EPS15: variants seen among roughly 807,000 people sequenced by gnomAD.
EPS15 encodes the protein epidermal growth factor receptor substrate 15.
In EPS15, 72 loss-of-function variants were observed where a neutral mutation model predicts 113.8. The observed-to-expected ratio is 0.63, with a 90% confidence interval of 0.52 to 0.77. EPS15 has a LOEUF of 0.77. EPS15 is among the 30% of genes least tolerant of loss of function. The pLI is 0.00. For missense variants in EPS15, 1,048 were observed against 1,045.8 expected (o/e 1.00, Z -0.03); for synonymous variants, 344 against 363.4 (o/e 0.95, Z 0.61).
chr1:51,394,805 G>A (rs529201676), intron 20 of EPS15, among the ~76,000 whole-genome samples: 5 of 152,172 alleles, frequency 3.3e-5, no homozygotes, highest in Admixed American at 2.0e-4. Flanking sequence ...GGTGATATTC[G>A]TTTATTTTTT....
chr1:51,430,987 C>G (rs919064892), intron 12 of EPS15, among the ~76,000 whole-genome samples: 2 of 132,726 alleles, frequency 1.5e-5, no homozygotes, highest in African/African-American at 6.4e-5. Context: ...TACACACACA[C>G]ACACACACAC....
At chr1:51,425,033 T>A (rs1004051513) in intron 12 of EPS15, among the ~76,000 whole-genome samples, 1 of 152,210 alleles carries the variant, frequency 6.6e-6, no homozygotes, top group Admixed American at 6.5e-5. Flanking sequence ...AATGAAATGA[T>A]CCTACTCATC....
chr1:51,354,974 TA>T lies in EPS15; in HGVS notation c.*1725del. The T allele has an allele frequency of 4.5e-6, 1 of 219,902 alleles. No homozygotes were observed. Among genetic ancestry groups the T allele is most frequent in the East Asian group, 6.8e-5 (1 of 14,776 alleles). 13.6% of individuals were successfully genotyped at this position (219,902 alleles called of 1,614,324 possible). A position where few individuals can be genotyped will look rare whatever the true frequency, so the allele number is the denominator to read the frequency against. On this transcript the variant is annotated 3_prime_UTR_variant, in exon 25 of 25. Transcript: ENST00000371733. Reference sequence around the variant, plus strand: ...ATCCTAAGGAGTAAGAGGAAGAAAATAAACAAAAATACCACCTATCACAACT... The same window carrying T: ...ATCCTAAGGAGTAAGAGGAAGAAAATAACAAAAATACCACCTATCACAACT...
intron 21 of EPS15, chr1:51,382,260 C>T (rs991801526): frequency 2.2e-4 from 34 of 152,036 alleles, no homozygotes; most frequent in African/African-American, 8.2e-4. Flanking sequence ...TCTGAATTGA[C>T]TCATAACTAA....
chr1:51,461,208 A>AG, intron 7 of EPS15, 58 bp from the exon 8 acceptor site: 2 of 1,282,588 alleles, frequency 1.6e-6, no homozygotes, highest in Non-Finnish European at 2.3e-6. Flanking sequence ...GTTCTACTCG[A>AG]GGGCAAGAAA....
intron 3 of EPS15, 129 bp from the exon 4 acceptor site, chr1:51,471,866 G>A: frequency 1.3e-6 from 1 of 754,206 alleles, no homozygotes; most frequent in East Asian, 2.5e-5. Context: ...AGAATTAAGA[G>A]TGGAAAGAAC....
At chr1:51,448,429 T>A (rs1036565914) in intron 8 of EPS15, among the ~76,000 whole-genome samples, 1 of 151,718 alleles carries the variant, frequency 6.6e-6, no homozygotes, top group Non-Finnish European at 1.5e-5. Context: ...AGACAACATA[T>A]GCAAAGAAAG....
At chr1:51,402,584 T>C in intron 17 of EPS15, 59 bp from the exon 18 acceptor site, 1 of 928,730 alleles carries the variant, frequency 1.1e-6, no homozygotes, top group East Asian at 2.7e-5. Flanking sequence ...AAAGGTAACA[T>C]TTTAAAATAA....
At chr1:51,486,612 C>T (rs1644128281) in intron 1 of EPS15, among the ~76,000 whole-genome samples, 1 of 151,992 alleles carries the variant, frequency 6.6e-6, no homozygotes, top group Non-Finnish European at 1.5e-5. Flanking sequence ...ACAGAGATTA[C>T]CTTTAATACA....
intron 12 of EPS15, among the ~76,000 whole-genome samples, chr1:51,426,450 TG>T (rs1651205347): frequency 6.7e-6 from 1 of 149,440 alleles, no homozygotes; most frequent in Non-Finnish European, 1.5e-5. Context: ...TAGCAAGCCC[TG>T]GCTCCTGTCA....
chr1:51,502,059 G>A (rs1387732422), intron 1 of EPS15, among the ~76,000 whole-genome samples: 1 of 152,054 alleles, frequency 6.6e-6, no homozygotes, highest in Non-Finnish European at 1.5e-5. Context: ...TTGCACCTTA[G>A]GAGTTTGAGA....
At chr1:51,379,571 C>T (rs565110823) in intron 21 of EPS15, among the ~76,000 whole-genome samples, 11 of 152,286 alleles carry the variant, frequency 7.2e-5, no homozygotes, top group African/African-American at 1.4e-4. Flanking sequence ...TTAAGATATT[C>T]CCAGATAAAC....
chr1:51,372,904 C>A, intron 21 of EPS15: 1 of 781,148 alleles, frequency 1.3e-6, no homozygotes, highest in Non-Finnish European at 1.9e-6. Flanking sequence ...AAAAAACAGC[C>A]ACAGGCAAGC....
At position 51,386,492 on chromosome 1, in the gene EPS15, C is replaced by T. The variant is rs1253176517; in HGVS notation, c.2119+7889G>A. 3.9e-5 allele frequency among the ~76,000 whole-genome samples: 6 copies of T among 152,122 alleles called. No homozygotes were observed. In the South Asian group the frequency reaches 6.2e-4, roughly 16 times the overall value. On this transcript the variant is annotated intron_variant, in intron 21 of 24. Coordinates refer to ENST00000371733, the MANE Select transcript of EPS15 (RefSeq NM_001981.3). ...AGAAAATCCGCTGTTCTGCAGCCAC[C>T]GCTGCTGATACCCAGGCAAACAGGG...
chr1:51,381,059 G>A (rs1646929273), intron 21 of EPS15, among the ~76,000 whole-genome samples: 1 of 152,068 alleles, frequency 6.6e-6, no homozygotes, highest in African/African-American at 2.4e-5. Context: ...AGAACTGAAG[G>A]GAGAAACAGA....
intron 13 of EPS15, among the ~76,000 whole-genome samples, chr1:51,410,918 T>C (rs1312361304): frequency 6.6e-6 from 1 of 152,216 alleles, no homozygotes; most frequent in Non-Finnish European, 1.5e-5. Flanking sequence ...ATAGTCTATA[T>C]GACAGATCTA....
intron 11 of EPS15, among the ~76,000 whole-genome samples, chr1:51,443,040 T>G (rs1652715903): frequency 1.3e-5 from 2 of 152,202 alleles, no homozygotes; most frequent in South Asian, 4.1e-4. Flanking sequence ...TTTTTAAAGT[T>G]AAAATTTTGG....
chr1:51,374,527 C>T (rs1366831962), intron 21 of EPS15, among the ~76,000 whole-genome samples: 1 of 152,074 alleles, frequency 6.6e-6, no homozygotes, highest in Non-Finnish European at 1.5e-5. Context: ...TCGCTTGAAC[C>T]TGGGAGGCGG....
intron 1 of EPS15, among the ~76,000 whole-genome samples, chr1:51,499,634 C>T (rs1393379351): frequency 1.3e-5 from 2 of 151,844 alleles, no homozygotes; most frequent in African/African-American, 4.8e-5. Flanking sequence ...ATAAAAGCCA[C>T]CCTAATGGGT....
Sources: allele counts gnomAD v4.1 joint callset (sites outside exome capture counted in the v4.1 genomes callset), GRCh38; gene constraint gnomAD v4.1.1; transcripts MANE v1.5; gene names NCBI Gene and HGNC (gene_info 2026-07-23, HGNC 2026-07-21).